Variants in MLIP observed in about 807,000 individuals in gnomAD.
MLIP encodes muscular LMNA interacting protein, also known as muscular LMNA-interacting protein.
Under a neutral mutation model 84.8 loss-of-function variants are expected in MLIP, and 79 were observed. That is an observed-to-expected ratio of 0.93 (90% CI 0.78 to 1.12). MLIP has a LOEUF of 1.12. Ranked by LOEUF, MLIP falls within the 50% of genes most tolerant of loss-of-function variation. The probability of loss-of-function intolerance (pLI) is 0.00; values close to 1 mark genes in which losing one functional copy is unlikely to be tolerated. For missense variants in MLIP, 1,257 were observed against 1,160.6 expected (o/e 1.08, Z -1.21); for synonymous variants, 504 against 463.0 (o/e 1.09, Z -1.14).
intron 10 of MLIP, among the ~76,000 whole-genome samples, chr6:54,190,889 G>C (rs1240552339): frequency 6.7e-6 from 1 of 149,906 alleles, no homozygotes; most frequent in African/African-American, 2.5e-5. Flanking sequence ...TCCGCCTCCC[G>C]GGTTCACGCC....
At chr6:54,086,633 C>G (rs1458428231) in intron 1 of MLIP, among the ~76,000 whole-genome samples, 1 of 152,162 alleles carries the variant, frequency 6.6e-6, no homozygotes, top group Non-Finnish European at 1.5e-5. Flanking sequence ...TGACAAGGCC[C>G]TAGCAATCTG....
chr6:54,156,552 A>T (rs1774049730), intron 5 of MLIP, among the ~76,000 whole-genome samples: 1 of 152,156 alleles, frequency 6.6e-6, no homozygotes, highest in African/African-American at 2.4e-5. Context: ...TATATGCTCA[A>T]ATCTTTGATG....
chr6:54,240,437 C>T (rs1781658616), intron 12 of MLIP, among the ~76,000 whole-genome samples: 1 of 152,032 alleles, frequency 6.6e-6, no homozygotes, highest in African/African-American at 2.4e-5. Flanking sequence ...CTTTCTGCCC[C>T]CAGAGAAATA....
intron 1 of MLIP, among the ~76,000 whole-genome samples, chr6:54,070,606 G>A (rs1395534667): frequency 1.3e-5 from 2 of 151,672 alleles, no homozygotes; most frequent in Non-Finnish European, 2.9e-5. Context: ...ATTTTTTTTG[G>A]TTGCCCAGGT....
intron 5 of MLIP, among the ~76,000 whole-genome samples, chr6:54,154,961 C>T (rs1366831271): frequency 6.6e-6 from 1 of 152,120 alleles, no homozygotes; most frequent in East Asian, 1.9e-4. Flanking sequence ...GATTCCCCTA[C>T]CATTGAGCTT....
Position 54,221,533 on chromosome 6 carries a change from A to G in MLIP, c.2719-9181A>G, listed in dbSNP as rs1298100279. Among the ~76,000 whole-genome samples, 12 of 105,166 alleles carry G rather than the reference A, an allele frequency of 1.1e-4. No individual in the cohort carries two copies. In the East Asian group the frequency reaches 3.4e-3, roughly 30 times the overall value. 69.0% of individuals were successfully genotyped at this position (105,166 alleles called of 152,430 possible). On this transcript the variant is annotated intron_variant, in intron 11 of 13. Transcript: ENST00000502396. ...AGGCTAAAAGTTCCTTAAGCAAGAC[A>G]CATAAGACCCCCTTATAATGCTAAA...
intron 1 of MLIP, among the ~76,000 whole-genome samples, chr6:54,073,201 T>C (rs1203640876): frequency 6.6e-6 from 1 of 152,188 alleles, no homozygotes; most frequent in East Asian, 1.9e-4. Flanking sequence ...GGAGTTCCTT[T>C]TTGCAGTTGC....
intron 1 of MLIP, among the ~76,000 whole-genome samples, chr6:54,051,369 T>C (rs547858922): frequency 4.6e-5 from 7 of 152,222 alleles, no homozygotes; most frequent in Admixed American, 3.3e-4. Flanking sequence ...TAATTTTTTC[T>C]TTTATTTTTC....
chr6:54,052,086 G>A (rs1765407004), intron 1 of MLIP, among the ~76,000 whole-genome samples: 1 of 152,060 alleles, frequency 6.6e-6, no homozygotes, highest in Admixed American at 6.6e-5. Context: ...TCTTAGTCAG[G>A]CTCATGGATT....
At chr6:54,251,444 A>ATATATG (rs1782475565) in intron 12 of MLIP, among the ~76,000 whole-genome samples, 1 of 107,124 alleles carries the variant, frequency 9.3e-6, no homozygotes, top group African/African-American at 4.1e-5. Context: ...AACAAGCCAT[A>ATATATG]TATATATATA....
At chr6:54,191,001 A>T (rs1280100851) in intron 10 of MLIP, among the ~76,000 whole-genome samples, 4 of 151,522 alleles carry the variant, frequency 2.6e-5, no homozygotes, top group Non-Finnish European at 5.9e-5. Context: ...TTCACCATTT[A>T]AGCCAGGATG....
At chr6:54,154,638 C>A (rs1310274206) in intron 5 of MLIP, among the ~76,000 whole-genome samples, 1 of 152,188 alleles carries the variant, frequency 6.6e-6, no homozygotes, top group Non-Finnish European at 1.5e-5. Context: ...GTGACATCAG[C>A]TAGCTACAGT....
intron 12 of MLIP, among the ~76,000 whole-genome samples, chr6:54,237,309 G>T (rs993219399): frequency 1.2e-4 from 18 of 151,752 alleles, no homozygotes; most frequent in African/African-American, 3.6e-4. Context: ...AATTCTGGCA[G>T]TCATTAGTTG....
At chr6:54,156,227 T>TA (rs1054572322) in intron 5 of MLIP, among the ~76,000 whole-genome samples, 2 of 152,032 alleles carry the variant, frequency 1.3e-5, no homozygotes, top group African/African-American at 4.8e-5. Flanking sequence ...CACAGTCAAT[T>TA]AAAAAAATCA....
chr6:54,198,260 C>T (rs1325244798), intron 10 of MLIP, among the ~76,000 whole-genome samples: 2 of 152,150 alleles, frequency 1.3e-5, no homozygotes, highest in Non-Finnish European at 2.9e-5. Flanking sequence ...GATGCTGATA[C>T]TGGTCTACAG....
rs200302040 is a variant in MLIP at position 54,096,273 on chromosome 6, GA to G, written c.64-25172del. On this transcript the variant is annotated intron_variant, in intron 1 of 12. Transcript: ENST00000274897. ...TACCAAGCTTGGAATACATTCAATT[GA>G]AGAGTTCTGTAAGTATTTATCAAAT... 2.0e-5 allele frequency among the ~76,000 whole-genome samples: 3 copies of G among 152,208 alleles called. No homozygotes were observed. The East Asian group carries it at 5.8e-4, about 29-fold the overall frequency.
chr6:54,113,889 C>G (rs1366513167), intron 1 of MLIP, among the ~76,000 whole-genome samples: 1 of 152,184 alleles, frequency 6.6e-6, no homozygotes, highest in East Asian at 1.9e-4. Flanking sequence ...ATCATTTGCT[C>G]TACTCTCACC....
intron 10 of MLIP, among the ~76,000 whole-genome samples, chr6:54,190,298 G>A (rs1365243650): frequency 6.6e-6 from 1 of 152,108 alleles, no homozygotes; most frequent in Non-Finnish European, 1.5e-5. Flanking sequence ...ATAAGAAATA[G>A]ATATGTCACA....
upstream of MLIP, among the ~76,000 whole-genome samples, chr6:54,110,225 C>T (rs111279340): frequency 4.8e-4 from 73 of 152,072 alleles, 3 homozygotes; most frequent in African/African-American, 1.7e-3. Flanking sequence ...CCTTGTGGTC[C>T]GCCCGCCTCG....
Sources: allele counts gnomAD v4.1 joint callset (sites outside exome capture counted in the v4.1 genomes callset), GRCh38; gene constraint gnomAD v4.1.1; transcripts MANE v1.5; gene names NCBI Gene and HGNC (gene_info 2026-07-23, HGNC 2026-07-21).